SRGAP2: variants seen among roughly 807,000 people sequenced by gnomAD.
The protein encoded by SRGAP2 is SLIT-ROBO Rho GTPase activating protein 2, also known as SLIT-ROBO Rho GTPase-activating protein 2.
In SRGAP2, 15 loss-of-function variants were observed where a neutral mutation model predicts 57.2. The ratio of observed to expected loss-of-function variants is 0.26; its 90% CI spans 0.18 to 0.40. The LOEUF (loss-of-function observed/expected upper bound fraction) is 0.40, where lower values mean the gene tolerates loss of function less well. Among genes scored for constraint, SRGAP2 ranks in the 10% least tolerant of loss-of-function variants. The probability of loss-of-function intolerance (pLI) is 1.00; values close to 1 mark genes in which losing one functional copy is unlikely to be tolerated. For missense variants in SRGAP2, 520 were observed against 669.6 expected (o/e 0.78, Z 2.47); for synonymous variants, 249 against 248.0 (o/e 1.00, Z -0.04).
rs782337002 is a variant in SRGAP2, at chr1:206,446,286, A to T, written c.2086A>T (p.Met696Leu). The T allele has an allele frequency of 1.3e-6, 1 of 780,828 alleles. No homozygotes were observed. The highest frequency in any genetic ancestry group is 2.4e-6 in the Non-Finnish European group (1 of 417,974). The allele number at this position is 780,828 out of a possible 1,614,324, so 48.4% of individuals were successfully genotyped here. Residue 696 changes from methionine to leucine, a missense_variant, in exon 18 of 23, where the codon ATG becomes TTG. Met to Leu is a conservative substitution (Grantham distance 15). Coordinates refer to ENST00000573034, the MANE Select transcript of SRGAP2 (RefSeq NM_015326.5). ...EGPVYSRGGSMEDYCDSPHGE... is the reference protein window; with the variant it reads ...EGPVYSRGGSLEDYCDSPHGE... ...CCCTGTCTACAGCAGAGGAGGAAGCATGGAGGATTACTGGTAGGGGGGCTT... is the reference window on the plus strand; with the variant it reads ...CCCTGTCTACAGCAGAGGAGGAAGCTTGGAGGATTACTGGTAGGGGGGCTT...
chr1:206,370,588 G>A (rs2103020037), intron 4 of SRGAP2, among the ~76,000 whole-genome samples: 1 of 152,188 alleles, frequency 6.6e-6, no homozygotes, highest in Non-Finnish European at 1.5e-5. Context: ...GTTGCTAGGA[G>A]CTGGGGGAAG....
chr1:206,232,322 A>G (rs1667694090), intron 2 of SRGAP2, among the ~76,000 whole-genome samples: 1 of 151,514 alleles, frequency 6.6e-6, no homozygotes, highest in Admixed American at 6.6e-5. Flanking sequence ...ATAAAACAGA[A>G]TCTTCTCAAG....
At chr1:206,295,362 T>G (rs1414025461) in intron 2 of SRGAP2, among the ~76,000 whole-genome samples, 1 of 152,188 alleles carries the variant, frequency 6.6e-6, no homozygotes, top group Non-Finnish European at 1.5e-5. Flanking sequence ...TAGCTAGGAT[T>G]ACAGGTGTGT....
At chr1:206,441,533 C>T (rs1553372073) in intron 17 of SRGAP2, among the ~76,000 whole-genome samples, 1 of 152,182 alleles carries the variant, frequency 6.6e-6, no homozygotes, top group African/African-American at 2.4e-5. Flanking sequence ...TTTGGTTTTG[C>T]TGCAGTTTCG....
intron 2 of SRGAP2, among the ~76,000 whole-genome samples, chr1:206,255,389 A>T: frequency 7.2e-6 from 1 of 138,332 alleles, no homozygotes; most frequent in Non-Finnish European, 1.6e-5. Flanking sequence ...GCATCTTCTG[A>T]ATGGTGTTTA....
chr1:206,278,282 C>G (rs1453676556), intron 2 of SRGAP2, among the ~76,000 whole-genome samples: 25 of 148,282 alleles, frequency 1.7e-4, no homozygotes, highest in African/African-American at 5.7e-4. Context: ...TAAGGAGCAT[C>G]AAGAATGCTG....
intron 17 of SRGAP2, among the ~76,000 whole-genome samples, chr1:206,444,017 C>T (rs528767943): frequency 6.6e-6 from 1 of 152,128 alleles, no homozygotes; most frequent in Non-Finnish European, 1.5e-5. Flanking sequence ...TGGCGAAACC[C>T]TCTCTCTACT....
chr1:206,372,977 CTTTCTTTCTTTCTTTCTTTCTTT>C (rs1654784737), intron 4 of SRGAP2, among the ~76,000 whole-genome samples: 1 of 40,350 alleles, frequency 2.5e-5, no homozygotes, highest in African/African-American at 1.1e-4. Context: ...TTCTTTCTTT[CTTTCTTTCTTTCTTTCTTTCTTT>C]CTTTCTTTCT....
At position 206,206,057 on chromosome 1, in the gene SRGAP2, G is replaced by A; in HGVS notation, c.67+20G>A. On this transcript the variant is annotated intron_variant, in intron 2 of 22. Transcript: ENST00000573034. ...TCAAAGGTAAGGGCTTTGAAAAATA[G>A]CACACTGCAAATGCTCTGTGGACTG... 1 of 1,548,594 alleles carries A rather than the reference G, an allele frequency of 6.5e-7. No homozygotes were observed. Among genetic ancestry groups the A allele is most frequent in the East Asian group, 2.4e-5 (1 of 40,916 alleles).
intron 2 of SRGAP2, among the ~76,000 whole-genome samples, chr1:206,268,081 ATTT>A (rs71568075): frequency 3.3e-4 from 48 of 145,294 alleles, no homozygotes; most frequent in African/African-American, 1.2e-3. Flanking sequence ...ATATATATAT[ATTT>A]TTTTTTTTTT....
intron 4 of SRGAP2, among the ~76,000 whole-genome samples, chr1:206,347,087 C>G (rs1292557962): frequency 6.8e-6 from 1 of 146,394 alleles, no homozygotes; most frequent in Non-Finnish European, 1.5e-5. Context: ...ACCTCCCTCC[C>G]CCACTTAAAA....
intron 11 of SRGAP2, among the ~76,000 whole-genome samples, chr1:206,418,888 C>CTCTG (rs1553363092): frequency 0.028 from 3,771 of 136,456 alleles, 51 homozygotes; most frequent in African/African-American, 0.036. Flanking sequence ...CCAACTCTCT[C>CTCTG]TGTGTGTGTG....
At chr1:206,253,182 C>T (rs551566303) in intron 2 of SRGAP2, among the ~76,000 whole-genome samples, 2 of 151,598 alleles carry the variant, frequency 1.3e-5, no homozygotes, top group Non-Finnish European at 2.9e-5. Context: ...ACGCTGTTCT[C>T]GTTCTGCTGC....
intron 4 of SRGAP2, among the ~76,000 whole-genome samples, chr1:206,373,032 TTCTC>T (rs1293805529): frequency 4.6e-5 from 6 of 129,678 alleles, no homozygotes; most frequent in Admixed American, 8.1e-5. Context: ...TTTCTTTTCT[TTCTC>T]TCTCTCTCTC....
intron 13 of SRGAP2, 123 bp from the exon 14 acceptor site, chr1:206,430,039 T>G (rs1336707186): frequency 5.7e-6 from 4 of 702,678 alleles, no homozygotes; most frequent in Non-Finnish European, 1.1e-5. Flanking sequence ...ACAGGCCAGG[T>G]GCTTCTTTGT....
intron 4 of SRGAP2, among the ~76,000 whole-genome samples, chr1:206,375,433 C>T (rs773531318): frequency 1.2e-4 from 18 of 152,052 alleles, no homozygotes; most frequent in Non-Finnish European, 2.4e-4. Context: ...GAAGACATTA[C>T]GCCCCCACTC....
intron 2 of SRGAP2, among the ~76,000 whole-genome samples, chr1:206,224,296 A>G (rs557406246): frequency 7.2e-5 from 11 of 151,890 alleles, no homozygotes; most frequent in South Asian, 6.3e-4. Context: ...TATATCAACT[A>G]TTCCACAAAA....
At chr1:206,206,163 G>A (rs1665895916) in intron 2 of SRGAP2, 126 bp downstream of exon 2, 1 of 590,846 alleles carries the variant, frequency 1.7e-6, no homozygotes, top group South Asian at 2.0e-5. Flanking sequence ...GACCCCAGAG[G>A]TGGTTTCATA....
Position 206,364,597 on chromosome 1 carries a change from G to A in SRGAP2, c.424-19417G>A, listed in dbSNP as rs536426146. On this transcript the variant is annotated intron_variant, in intron 4 of 22. Transcript: ENST00000573034. ...ATTACAGGCATAAGCCACTGCACCC[G>A]GCCCTGGGTTGCTCTTCTAAGAATA... is the stretch of plus-strand genomic sequence containing the variant. Among the ~76,000 whole-genome samples the A allele has an allele frequency of 1.5e-3, 227 of 151,576 alleles. 2 individuals carry two copies. The highest frequency in any genetic ancestry group is 5.1e-3 in the African/African-American group (210 of 41,342).
Sources: allele counts gnomAD v4.1 joint callset (sites outside exome capture counted in the v4.1 genomes callset), GRCh38; gene constraint gnomAD v4.1.1; transcripts MANE v1.5; gene names NCBI Gene and HGNC (gene_info 2026-07-23, HGNC 2026-07-21).